The following VPS41 variants were observed in gnomAD, a reference collection of about 807,000 sequenced individuals.
VPS41 encodes vacuolar protein sorting-associated protein 41 homolog.
VPS41 carries 85 observed loss-of-function variants against 130.9 expected under a neutral mutation model. That is an observed-to-expected ratio of 0.65 (90% CI 0.55 to 0.78). The LOEUF (loss-of-function observed/expected upper bound fraction) is 0.78. Ranked by LOEUF, VPS41 falls within the 30% of genes least tolerant of loss-of-function variation. The probability of loss-of-function intolerance (pLI) is 0.00; values close to 1 mark genes in which losing one functional copy is unlikely to be tolerated. For synonymous variants in VPS41, 335 were observed against 332.9 expected (o/e 1.01, Z -0.07); for missense variants, 874 against 1,018.7 (o/e 0.86, Z 1.93).
chr7:38,757,858 C>T (rs552425497), intron 18 of VPS41, among the ~76,000 whole-genome samples: 13 of 152,272 alleles, frequency 8.5e-5, no homozygotes, highest in South Asian at 4.1e-4. Flanking sequence ...GCCTGCATCA[C>T]TGAATGTGCC....
intron 16 of VPS41, 48 bp downstream of exon 16, chr7:38,765,532 A>G: frequency 8.1e-7 from 1 of 1,231,478 alleles, no homozygotes; most frequent in Admixed American, 2.1e-5. Context: ...CTGCAATATT[A>G]ATATACTACT....
intron 5 of VPS41, among the ~76,000 whole-genome samples, chr7:38,822,630 A>G (rs1785196637): frequency 1.3e-5 from 2 of 152,210 alleles, no homozygotes; most frequent in Admixed American, 6.5e-5. Context: ...TACTGCTGCT[A>G]AGAACATGCT....
At chr7:38,842,686 T>A (rs1785633438) in intron 4 of VPS41, among the ~76,000 whole-genome samples, 1 of 152,200 alleles carries the variant, frequency 6.6e-6, no homozygotes, top group Non-Finnish European at 1.5e-5. Context: ...ATATTTGGCT[T>A]AGTATAGGCC....
intron 12 of VPS41, 83 bp downstream of exon 12, chr7:38,774,032 T>C (rs778480112): frequency 5.1e-5 from 69 of 1,358,718 alleles, no homozygotes; most frequent in Middle Eastern, 2.0e-4. Context: ...AGCACCTTAA[T>C]TTAAATTCCA....
intron 4 of VPS41, among the ~76,000 whole-genome samples, chr7:38,840,898 A>G (rs1430622933): frequency 2.0e-5 from 3 of 152,108 alleles, no homozygotes; most frequent in African/African-American, 7.2e-5. Flanking sequence ...GACCAGACCC[A>G]CCCACTCTCT....
At chr7:38,839,268 T>C (rs1326390077) in intron 4 of VPS41, among the ~76,000 whole-genome samples, 1 of 152,168 alleles carries the variant, frequency 6.6e-6, no homozygotes, top group Non-Finnish European at 1.5e-5. Context: ...CCACTGATGA[T>C]ACACCCAGGA....
intron 1 of VPS41, among the ~76,000 whole-genome samples, chr7:38,903,560 CA>C (rs1787190077): frequency 1.3e-5 from 2 of 152,160 alleles, no homozygotes; most frequent in South Asian, 4.2e-4. Context: ...CATCTATCTC[CA>C]TCTATGCCTG....
intron 4 of VPS41, among the ~76,000 whole-genome samples, chr7:38,840,690 C>T (rs776802568): frequency 6.6e-6 from 1 of 152,020 alleles, no homozygotes; most frequent in African/African-American, 2.4e-5. Flanking sequence ...CAAAGTAATG[C>T]AAAATAAACA....
intron 5 of VPS41, among the ~76,000 whole-genome samples, chr7:38,829,233 G>C (rs1456167632): frequency 6.6e-6 from 1 of 152,150 alleles, no homozygotes; most frequent in Admixed American, 6.5e-5. Flanking sequence ...TGTTTCAAAA[G>C]ACTCTTTGGG....
chr7:38,900,702 G>A (rs1173355792), intron 1 of VPS41, among the ~76,000 whole-genome samples: 5 of 152,216 alleles, frequency 3.3e-5, no homozygotes, highest in African/African-American at 1.2e-4. Flanking sequence ...TGGGCTCTGA[G>A]AGTAGCTTCT....
At chr7:38,775,093 T>C (rs1784233121) in intron 11 of VPS41, 1 of 152,042 alleles carries the variant, frequency 6.6e-6, no homozygotes, top group South Asian at 2.1e-4. Context: ...CTGGGGGCTA[T>C]TTGGGGGATA....
At chr7:38,872,852 A>C (rs1786401181) in intron 2 of VPS41, among the ~76,000 whole-genome samples, 1 of 152,218 alleles carries the variant, frequency 6.6e-6, no homozygotes, top group African/African-American at 2.4e-5. Flanking sequence ...TTAATATTAA[A>C]TGTAGCACAG....
chr7:38,880,223 T>C (rs140194115), intron 2 of VPS41, among the ~76,000 whole-genome samples: 1 of 152,292 alleles, frequency 6.6e-6, no homozygotes. Flanking sequence ...GCAGAACTCA[T>C]GGCCTCCCTT....
At chr7:38,838,176 C>G (rs1434408556) in intron 4 of VPS41, among the ~76,000 whole-genome samples, 1 of 151,810 alleles carries the variant, frequency 6.6e-6, no homozygotes, top group Non-Finnish European at 1.5e-5. Context: ...GCCTTACGTA[C>G]ATCTACCATT....
chr7:38,782,326 G>A (rs1235492085), intron 10 of VPS41, among the ~76,000 whole-genome samples: 1 of 152,096 alleles, frequency 6.6e-6, no homozygotes, highest in Non-Finnish European at 1.5e-5. Flanking sequence ...GAGTTCCCCT[G>A]GCCTCAAGTC....
chr7:38,837,347 C>T (rs992352963), intron 4 of VPS41, among the ~76,000 whole-genome samples: 2 of 152,192 alleles, frequency 1.3e-5, no homozygotes, highest in African/African-American at 2.4e-5. Context: ...CTCAGTCGAT[C>T]ATGCCTGTGT....
chr7:38,847,325 G>A (rs763273704), intron 4 of VPS41, among the ~76,000 whole-genome samples: 2 of 151,926 alleles, frequency 1.3e-5, no homozygotes, highest in Non-Finnish European at 2.9e-5. Context: ...TCTAGTAGTT[G>A]GCCATACCCT....
intron 4 of VPS41, among the ~76,000 whole-genome samples, chr7:38,841,023 C>T (rs1785598123): frequency 6.6e-6 from 1 of 152,184 alleles, no homozygotes; most frequent in Non-Finnish European, 1.5e-5. Flanking sequence ...ATCTTCCTTC[C>T]CCCTTTTGTT....
chr7:38,754,984 A>G (rs774244396), intron 19 of VPS41, 48 bp from the exon 20 acceptor site: 1 of 1,568,720 alleles, frequency 6.4e-7, no homozygotes, highest in Non-Finnish European at 8.8e-7. Flanking sequence ...GTTATTTAAG[A>G]AGAGAAGACT....
Sources: allele counts gnomAD v4.1 joint callset (sites outside exome capture counted in the v4.1 genomes callset), GRCh38; gene constraint gnomAD v4.1.1; transcripts MANE v1.5; gene names NCBI Gene and HGNC (gene_info 2026-07-23, HGNC 2026-07-21).